FIG4: variants seen among roughly 807,000 people sequenced by gnomAD.
FIG4 encodes the protein polyphosphoinositide phosphatase.
In FIG4, 112 loss-of-function variants were observed where a neutral mutation model predicts 118.6. The ratio of observed to expected loss-of-function variants is 0.94; its 90% confidence interval spans 0.81 to 1.11. The LOEUF is 1.11. Among genes scored for constraint, FIG4 ranks in the 50% least tolerant of loss-of-function variants. The pLI, the probability that FIG4 is intolerant of heterozygous loss-of-function variation, is 0.00. For synonymous variants in FIG4, 369 were observed against 381.2 expected, an observed-to-expected ratio of 0.97 and a Z score of 0.37; for missense variants, 969 against 1,111.7, an observed-to-expected ratio of 0.87 and a Z score of 1.83.
intron 1 of FIG4, among the ~76,000 whole-genome samples, chr6:109,711,676 G>A (rs1227772191): frequency 6.6e-6 from 1 of 152,026 alleles, no homozygotes; most frequent in South Asian, 2.1e-4. Flanking sequence ...TGTAAGATGG[G>A]TCTGTTGAAG....
chr6:109,703,201 T>C lies in FIG4; in HGVS notation c.66+11700T>C, dbSNP rs115176244. 3.5e-3 allele frequency among the ~76,000 whole-genome samples: 527 copies of C among 152,344 alleles called. 3 individuals carry two copies. Among genetic ancestry groups the C allele is most frequent in the African/African-American group, 0.012 (509 of 41,584 alleles). On this transcript the variant is annotated intron_variant, in intron 1 of 22. Transcript: ENST00000230124. ...TTAAGGATTGGAATGAATTTTCCTT[T>C]AGAGTTTTGAAGGCCTTATGTCATT...
intron 22 of FIG4, among the ~76,000 whole-genome samples, chr6:109,824,034 G>T (rs1347290025): frequency 6.6e-6 from 1 of 152,148 alleles, no homozygotes; most frequent in Non-Finnish European, 1.5e-5. Context: ...TGACTTGTTG[G>T]TTGACTCATC....
intron 11 of FIG4, among the ~76,000 whole-genome samples, chr6:109,760,904 C>T (rs1447499403): frequency 6.6e-6 from 1 of 152,216 alleles, no homozygotes; most frequent in African/African-American, 2.4e-5. Context: ...CATTCCTCTT[C>T]TTCACCCTCC....
intron 15 of FIG4, among the ~76,000 whole-genome samples, chr6:109,768,976 A>G (rs1777365568): frequency 6.6e-6 from 1 of 152,200 alleles, no homozygotes; most frequent in Admixed American, 6.5e-5. Context: ...TACTTCTGTC[A>G]TGTGCTAATA....
At chr6:109,747,043 A>G (rs1300075396) in intron 10 of FIG4, among the ~76,000 whole-genome samples, 3 of 152,076 alleles carry the variant, frequency 2.0e-5, no homozygotes, top group Admixed American at 6.6e-5. Flanking sequence ...GGGGAAGATC[A>G]TGAGTGTAGT....
At chr6:109,770,206 C>A (rs567196995) in intron 15 of FIG4, among the ~76,000 whole-genome samples, 2 of 152,026 alleles carry the variant, frequency 1.3e-5, no homozygotes, top group African/African-American at 4.8e-5. Context: ...CCCTTAAGGG[C>A]CTTGCTAAGC....
chr6:109,753,887 A>G lies in FIG4; in HGVS notation c.1138-6363A>G, dbSNP rs1411715845. Among the ~76,000 whole-genome samples, 4 of 152,242 alleles carry G rather than the reference A, an allele frequency of 2.6e-5. No homozygotes were observed. In the East Asian group the frequency reaches 7.7e-4, roughly 29 times the overall value. On this transcript the variant is annotated intron_variant, in intron 10 of 22. Coordinates refer to ENST00000230124, the MANE Select transcript of FIG4 (RefSeq NM_014845.6). ...ATATACAATCATGTCATCTGCAAAC[A>G]GGGACAATTTGACTTCCTCTTTTCC...
intron 8 of FIG4, among the ~76,000 whole-genome samples, chr6:109,742,900 GCTA>G (rs773335082): frequency 2.3e-4 from 35 of 151,796 alleles, no homozygotes; most frequent in Non-Finnish European, 4.4e-4. Flanking sequence ...TCTATTCTCT[GCTA>G]CTTTTAATTG....
Position 109,723,623 on chromosome 6 carries a change from G to A in FIG4, c.290-3486G>A, listed in dbSNP as rs530223418. Among the ~76,000 whole-genome samples the A allele has an allele frequency of 1.9e-3, 293 of 152,284 alleles. 2 individuals are homozygous for A. Among genetic ancestry groups the A allele is most frequent in the African/African-American group, 6.7e-3 (280 of 41,566 alleles). On this transcript the variant is annotated intron_variant, in intron 3 of 22. Coordinates refer to ENST00000230124, the MANE Select transcript of FIG4 (RefSeq NM_014845.6). ...AGGCCACCTAGTTATCATATAAAAT[G>A]GCTTCCAATGCTGCATGATTCTATT... is the stretch of plus-strand genomic sequence containing the variant.
rs147521997 is a variant in FIG4, at chr6:109,821,381, T to C, written c.2547-3707T>C. On this transcript the variant is annotated intron_variant, in intron 22 of 22. Coordinates refer to ENST00000230124, the MANE Select transcript of FIG4 (RefSeq NM_014845.6). ...TTTTGCACAATAAGCAACAGAAAAG[T>C]ATCAAGGGCCAATCTCATCATAGAA... is the stretch of plus-strand genomic sequence containing the variant. 8.7e-4 allele frequency among the ~76,000 whole-genome samples: 132 copies of C among 152,268 alleles called. 1 individual carries two copies. The highest frequency in any genetic ancestry group is 3.0e-3 in the African/African-American group (126 of 41,552).
intron 16 of FIG4, among the ~76,000 whole-genome samples, chr6:109,780,224 G>A (rs1422179588): frequency 6.6e-6 from 1 of 152,216 alleles, no homozygotes; most frequent in African/African-American, 2.4e-5. Flanking sequence ...TACTGTCTTT[G>A]TTTTTGAGTC....
chr6:109,705,070 T>A (rs1775023059), intron 1 of FIG4, among the ~76,000 whole-genome samples: 1 of 152,192 alleles, frequency 6.6e-6, no homozygotes, highest in East Asian at 1.9e-4. Flanking sequence ...CGTTGTACTG[T>A]TCTGTTGTCT....
chr6:109,812,925 T>C (rs1193406943), intron 22 of FIG4, among the ~76,000 whole-genome samples: 1 of 152,160 alleles, frequency 6.6e-6, no homozygotes, highest in African/African-American at 2.4e-5. Flanking sequence ...AGGAGAGAGA[T>C]CCTCGAAAAG....
At chr6:109,702,659 C>T (rs201190167) in intron 1 of FIG4, among the ~76,000 whole-genome samples, 1 of 75,226 alleles carries the variant, frequency 1.3e-5, no homozygotes, top group Non-Finnish European at 2.5e-5. Context: ...GTTACTGCTC[C>T]CTTTCCTTCC....
At chr6:109,734,439 AG>A (rs1474100300) in intron 5 of FIG4, among the ~76,000 whole-genome samples, 2 of 150,172 alleles carry the variant, frequency 1.3e-5, no homozygotes, top group Non-Finnish European at 3.0e-5. Context: ...ATATTTATAT[AG>A]AGTATGCATA....
chr6:109,825,404 A>G lies in FIG4; in HGVS notation c.*139A>G. 1 of 733,594 alleles carries G rather than the reference A, an allele frequency of 1.4e-6. No homozygotes were observed. The allele number at this position is 733,594 out of a possible 1,614,324, so 45.4% of individuals were successfully genotyped here. A position where few individuals can be genotyped will look rare whatever the true frequency, so the allele number is the denominator to read the frequency against. On this transcript the variant is annotated 3_prime_UTR_variant, in exon 23 of 23. Coordinates refer to ENST00000230124, the MANE Select transcript of FIG4 (RefSeq NM_014845.6). ...CTGTCACTTGCAAATTCCAAATTAT[A>G]GCTAATAAAGATGACTAGATAATTT...
At chr6:109,780,627 A>G (rs1230350730) in intron 16 of FIG4, among the ~76,000 whole-genome samples, 1 of 152,240 alleles carries the variant, frequency 6.6e-6, no homozygotes, top group Admixed American at 6.5e-5. Context: ...TGTAATATTA[A>G]TAAAGACTTT....
chr6:109,721,285 G>C (rs1192701254), intron 3 of FIG4, among the ~76,000 whole-genome samples: 1 of 152,170 alleles, frequency 6.6e-6, no homozygotes, highest in Non-Finnish European at 1.5e-5. Flanking sequence ...TTTGGTTCCA[G>C]AGAGCTCTGT....
chr6:109,737,080 AC>A (rs1776180065), intron 6 of FIG4, among the ~76,000 whole-genome samples: 2 of 152,160 alleles, frequency 1.3e-5, no homozygotes, highest in South Asian at 4.1e-4. Context: ...AGGAACCTTA[AC>A]TTCATCTGCA....
Sources: gnomAD v4.1 joint callset for allele counts (sites outside exome capture counted in the v4.1 genomes callset) on GRCh38, gnomAD v4.1.1 for gene constraint, MANE v1.5 for transcripts, NCBI Gene and HGNC (gene_info 2026-07-23, HGNC 2026-07-21) for gene names.